The following CGNL1 variants were observed in gnomAD, a reference collection of about 807,000 sequenced individuals.
CGNL1 encodes the protein cingulin-like protein 1.
CGNL1 carries 132 observed loss-of-function variants against 141.2 expected under a neutral mutation model. That is an observed-to-expected ratio of 0.93 (90% CI 0.81 to 1.08). The LOEUF is 1.08. Ranked by LOEUF, CGNL1 falls within the 50% of genes least tolerant of loss-of-function variation. The pLI, the probability that CGNL1 is intolerant of heterozygous loss-of-function variation, is 0.00. For synonymous variants in CGNL1, 690 were observed against 622.1 expected, an observed-to-expected ratio of 1.11 and a Z score of -1.63; for missense variants, 1,870 against 1,588.6, an observed-to-expected ratio of 1.18 and a Z score of -3.01.
intron 8 of CGNL1, among the ~76,000 whole-genome samples, chr15:57,478,519 T>C (rs920514187): frequency 1.3e-5 from 2 of 152,202 alleles, no homozygotes; most frequent in African/African-American, 4.8e-5. Context: ...CTCCCTTTCC[T>C]GAAATAAAGC....
At chr15:57,493,246 A>T (rs938897617) in intron 8 of CGNL1, among the ~76,000 whole-genome samples, 1 of 152,188 alleles carries the variant, frequency 6.6e-6, no homozygotes. Context: ...GCTGAAGAAG[A>T]TGATCCTTAC....
intron 1 of CGNL1, among the ~76,000 whole-genome samples, chr15:57,426,615 T>C (rs1392030310): frequency 8.4e-5 from 9 of 107,158 alleles, no homozygotes; most frequent in Non-Finnish European, 1.6e-4. Flanking sequence ...CTTGGCTATT[T>C]TTTTTTTTTT....
chr15:57,521,111 C>T (rs1431301297), intron 10 of CGNL1, among the ~76,000 whole-genome samples: 2 of 152,120 alleles, frequency 1.3e-5, no homozygotes. Flanking sequence ...TCTGTAGCTA[C>T]AGAGCGTTTC....
rs1417565449 is a variant in CGNL1 at position 57,487,305 on chromosome 15, C to CT, written c.2403+25422dup. On this transcript the variant is annotated intron_variant, in intron 8 of 18. Coordinates refer to ENST00000281282, the MANE Select transcript of CGNL1 (RefSeq NM_032866.5). The stretch of plus-strand genomic sequence containing the variant: ...TCTTTCTTTTCTTGAGCTTATTCAA[C>CT]TTTTTTTTTAAAGCTTATTTTGACT... Among the ~76,000 whole-genome samples, 16 of 151,220 alleles carry CT rather than the reference C, an allele frequency of 1.1e-4. No homozygotes were observed. The East Asian group carries it at 2.1e-3, about 20-fold the overall frequency.
At chr15:57,535,570 T>G (rs1190792441) in intron 14 of CGNL1, among the ~76,000 whole-genome samples, 1 of 152,174 alleles carries the variant, frequency 6.6e-6, no homozygotes, top group African/African-American at 2.4e-5. Context: ...GGTAGGGACC[T>G]ATACAGCATT....
At chr15:57,477,386 G>A (rs963040343) in intron 8 of CGNL1, 2 of 152,206 alleles carry the variant, frequency 1.3e-5, no homozygotes, top group East Asian at 1.9e-4. Context: ...AGCAAACTTC[G>A]TTGGAAAACA....
chr15:57,390,884 A>T (rs1363891973), intron 1 of CGNL1, among the ~76,000 whole-genome samples: 1 of 151,918 alleles, frequency 6.6e-6, no homozygotes, highest in African/African-American at 2.4e-5. Context: ...CAGGAGTGTG[A>T]CAAGCTGAGA....
chr15:57,392,623 C>G (rs2062555686), intron 1 of CGNL1, among the ~76,000 whole-genome samples: 1 of 152,150 alleles, frequency 6.6e-6, no homozygotes, highest in African/African-American at 2.4e-5. Flanking sequence ...GCTAAGGAAA[C>G]AGTGTAAGTA....
chr15:57,421,327 C>T lies in CGNL1; in HGVS notation c.-15-16658C>T, dbSNP rs537669005. On this transcript the variant is annotated intron_variant, in intron 1 of 18. Transcript: ENST00000281282. ...ATAGCAGCCCAAGCTGACTGATACA[C>T]CATTATATATAGAAAAAGTATAGAC... 5.9e-5 allele frequency among the ~76,000 whole-genome samples: 9 copies of T among 152,318 alleles called. No homozygotes were observed. The East Asian group carries it at 1.5e-3, about 26-fold the overall frequency.
intron 1 of CGNL1, among the ~76,000 whole-genome samples, chr15:57,387,679 A>G (rs1223984412): frequency 6.6e-6 from 1 of 152,178 alleles, no homozygotes; most frequent in Non-Finnish European, 1.5e-5. Context: ...GCTTCCCACA[A>G]TGAGAAGTGG....
intron 1 of CGNL1, among the ~76,000 whole-genome samples, chr15:57,387,043 C>T (rs1362392848): frequency 3.3e-5 from 5 of 152,064 alleles, no homozygotes; most frequent in African/African-American, 1.2e-4. Flanking sequence ...CTTTTTCATC[C>T]CCCTGAAAGG....
In CGNL1 at chr15:57,451,487, CAATT is replaced by C. The variant is rs2063321247; in HGVS notation, c.1804-7_1804-4del. 1 of 1,558,266 alleles carries C rather than the reference CAATT, an allele frequency of 6.4e-7. No homozygotes were observed. Among genetic ancestry groups the C allele is most frequent in the Non-Finnish European group, 8.8e-7 (1 of 1,136,592 alleles). ...GAACATTTAAATTAGTATATCTTTG[CAATT>C]AATTATAGGCTTGTAATTCCACATC... On this transcript the variant is annotated splice_polypyrimidine_tract_variant and intron_variant, in intron 4 of 18. Transcript: ENST00000281282.
rs1028557443 is a variant in CGNL1, at chr15:57,549,164, C to A, written c.*1674C>A. ...ACATATCCAGGGACTCCCTCCTGGC[C>A]TTCCTGTGTCACTTCACAATGTGAC... On this transcript the variant is annotated 3_prime_UTR_variant, in exon 19 of 19. Transcript: ENST00000281282. 6.6e-6 allele frequency: 1 copy of A among 152,238 alleles called. No individual in the cohort carries two copies. Among genetic ancestry groups the A allele is most frequent in the Admixed American group, 6.5e-5 (1 of 15,282 alleles). The allele number at this position is 152,238 out of a possible 1,614,324, so 9.4% of individuals were successfully genotyped here.
chr15:57,457,292 A>G (rs2063391619), intron 7 of CGNL1, among the ~76,000 whole-genome samples: 1 of 152,126 alleles, frequency 6.6e-6, no homozygotes, highest in African/African-American at 2.4e-5. Context: ...GCCGTTCTCG[A>G]CATCCTGGTG....
At chr15:57,464,090 G>C (rs2063479928) in intron 8 of CGNL1, among the ~76,000 whole-genome samples, 2 of 147,132 alleles carry the variant, frequency 1.4e-5, no homozygotes, top group Admixed American at 1.4e-4. Context: ...TTTTTCCTGA[G>C]AGGGAGTGAC....
chr15:57,424,300 T>G (rs1316211469), intron 1 of CGNL1, among the ~76,000 whole-genome samples: 1 of 152,200 alleles, frequency 6.6e-6, no homozygotes, highest in Non-Finnish European at 1.5e-5. Context: ...CAGCGAGGGC[T>G]TCCTTAACTG....
At chr15:57,378,513 C>T (rs1309132251) in intron 1 of CGNL1, among the ~76,000 whole-genome samples, 3 of 151,660 alleles carry the variant, frequency 2.0e-5, no homozygotes, top group Non-Finnish European at 4.4e-5. Flanking sequence ...TCCCAAGTAG[C>T]TGGGATTACA....
intron 8 of CGNL1, among the ~76,000 whole-genome samples, chr15:57,489,620 T>C (rs2063830676): frequency 6.6e-6 from 1 of 152,210 alleles, no homozygotes; most frequent in South Asian, 2.1e-4. Context: ...ATTTTATTCT[T>C]TTGCATGTAG....
intron 14 of CGNL1, among the ~76,000 whole-genome samples, chr15:57,535,241 T>G (rs1248202414): frequency 6.6e-6 from 1 of 152,336 alleles, no homozygotes; most frequent in Admixed American, 6.5e-5. Flanking sequence ...ATACCTGCTG[T>G]GTGCATGGCA....
Sources: gnomAD v4.1 joint callset for allele counts (sites outside exome capture counted in the v4.1 genomes callset) on GRCh38, gnomAD v4.1.1 for gene constraint, MANE v1.5 for transcripts, NCBI Gene and HGNC (gene_info 2026-07-23, HGNC 2026-07-21) for gene names.